ATM: variants seen among roughly 807,000 people sequenced by gnomAD.
ATM encodes ATM serine/threonine kinase.
A neutral mutation model predicts 387.0 loss-of-function variants in ATM; 308 were observed. The observed-to-expected ratio is 0.80, with a 90% CI of 0.73 to 0.87. The LOEUF (loss-of-function observed/expected upper bound fraction) is 0.87. ATM is among the 40% of genes least tolerant of loss of function. ATM has a pLI of 0.00. For missense variants in ATM, 3,312 were observed against 3,560.9 expected (o/e 0.93, Z 1.78); for synonymous variants, 1,156 against 1,187.3 (o/e 0.97, Z 0.54).
At chr11:108,243,363 A>G (rs1375378238) in intron 5 of ATM, among the ~76,000 whole-genome samples, 3 of 152,194 alleles carry the variant, frequency 2.0e-5, no homozygotes, top group Admixed American at 2.0e-4. Context: ...CCATAATCCC[A>G]GCACTTTGGG....
intron 29 of ATM, chr11:108,290,475 T>A (rs582157): frequency 0.54 from 80,709 of 150,666 alleles, 22,172 homozygotes; most frequent in Middle Eastern, 0.73. Context: ...AAAAATTTTT[T>A]AAAAAATAAG....
At chr11:108,343,420 T>C in intron 57 of ATM, 49 bp downstream of exon 57, 7 of 1,602,252 alleles carry the variant, frequency 4.4e-6, no homozygotes, top group Non-Finnish European at 6.0e-6. Flanking sequence ...TTTAATGGCT[T>C]ATTAAAGCTG....
rs369203092 is a variant in ATM at position 108,247,117 on chromosome 11, T to C, written c.1055T>C (p.Ile352Thr). The C allele has an allele frequency of 1.2e-6, 2 of 1,613,794 alleles. No homozygotes were observed. The highest frequency in any genetic ancestry group is 1.7e-6 in the Non-Finnish European group (2 of 1,179,846). Residue 352 changes from isoleucine (I) to threonine (T), a missense_variant, in exon 8 of 63, where the codon ATC (isoleucine) becomes ACC (threonine). Ile to Thr is a moderately conservative substitution (Grantham distance 89, BLOSUM62 -1). Coordinates refer to ENST00000675843, the MANE Select transcript of ATM (RefSeq NM_000051.4). The part of the protein sequence containing the change: ...KENLIELMAD[I>T]CHQVFNEDTR... ...AATTTGATTGAATTGATGGCAGATA[T>C]CTGTCACCAGGTACAGTAAGTAGGT...
At chr11:108,325,790 C>A (rs529597133) in intron 46 of ATM, among the ~76,000 whole-genome samples, 50 of 152,200 alleles carry the variant, frequency 3.3e-4, no homozygotes, top group Non-Finnish European at 7.4e-5. Context: ...ACGTAACTTA[C>A]TATATTGATA....
Position 108,326,235 on chromosome 11 carries a change from T to C in ATM, c.6975+10T>C. 6.2e-7 allele frequency: 1 copy of C among 1,614,138 alleles called. No homozygotes were observed. The highest frequency in any genetic ancestry group is 8.5e-7 in the Non-Finnish European group (1 of 1,180,000). On this transcript the variant is annotated intron_variant, in intron 47 of 62. Transcript: ENST00000675843. Reference sequence around the variant, plus strand: ...TGCCAGCTGTGCAGCGGTTTGTTTTTTTTATTGGCTGGATTAGTGTTTTAC... The same window carrying C: ...TGCCAGCTGTGCAGCGGTTTGTTTTCTTTATTGGCTGGATTAGTGTTTTAC...
intron 40 of ATM, among the ~76,000 whole-genome samples, chr11:108,315,158 A>G (rs1032663627): frequency 3.9e-5 from 6 of 152,236 alleles, no homozygotes; most frequent in Admixed American, 6.5e-5. Flanking sequence ...TGAACTGCTC[A>G]TGTGGAAATT....
intron 22 of ATM, among the ~76,000 whole-genome samples, chr11:108,273,530 T>C (rs1168870208): frequency 1.3e-5 from 2 of 151,868 alleles, no homozygotes; most frequent in Non-Finnish European, 1.5e-5. Flanking sequence ...TTCGTAGAGA[T>C]GGAGTTTCAC....
intron 16 of ATM, among the ~76,000 whole-genome samples, chr11:108,261,194 CA>C (rs2080859686): frequency 6.6e-6 from 1 of 152,206 alleles, no homozygotes; most frequent in African/African-American, 2.4e-5. Context: ...AGGGCACAAA[CA>C]AAAAGACAGC....
chr11:108,235,577 T>C, intron 4 of ATM, 93 bp from the exon 5 acceptor site: 1 of 1,210,622 alleles, frequency 8.3e-7, no homozygotes, highest in Non-Finnish European at 1.2e-6. Flanking sequence ...TTAATAGTAA[T>C]TTCCCAAATG....
rs1265476494 is a variant in ATM at position 108,368,056 on chromosome 11, T to TA, written c.*2550dup. 9.6e-6 allele frequency: 2 copies of TA among 207,864 alleles called. No homozygotes were observed. Among genetic ancestry groups the TA allele is most frequent in the African/African-American group, 4.6e-5 (2 of 43,936 alleles). 12.9% of individuals were successfully genotyped at this position (207,864 alleles called of 1,614,324 possible). ...TCCAGAGAGCTTTGAATAACATCAT[T>TA]AATCTACTCTTTAGCCTTGCATGGT... On this transcript the variant is annotated 3_prime_UTR_variant, in exon 63 of 63. Coordinates refer to ENST00000675843, the MANE Select transcript of ATM (RefSeq NM_000051.4).
intron 15 of ATM, 45 bp downstream of exon 15, chr11:108,257,651 T>A: frequency 6.3e-7 from 1 of 1,586,064 alleles, no homozygotes. Context: ...ATAGGATCTT[T>A]CTCTGTCACC....
At chr11:108,272,398 A>G (rs2081630348) in intron 20 of ATM, 134 bp from the exon 21 acceptor site, 1 of 761,558 alleles carries the variant, frequency 1.3e-6, no homozygotes, top group Non-Finnish European at 2.2e-6. Context: ...GTATGTTGGC[A>G]TATTCCACAT....
intron 9 of ATM, 124 bp from the exon 10 acceptor site, chr11:108,250,577 G>A (rs1591522040): frequency 9.2e-7 from 1 of 1,092,716 alleles, no homozygotes; most frequent in Non-Finnish European, 1.3e-6. Context: ...TATTTTTAGA[G>A]TACTATGGAA....
intron 26 of ATM, among the ~76,000 whole-genome samples, chr11:108,285,134 A>G (rs2082425676): frequency 6.6e-6 from 1 of 152,004 alleles, no homozygotes; most frequent in South Asian, 2.1e-4. Flanking sequence ...TAATTTTCAT[A>G]TTTTTAGTAG....
At chr11:108,331,714 C>G (rs1024215670) in intron 51 of ATM, 157 bp downstream of exon 51, 1 of 1,317,530 alleles carries the variant, frequency 7.6e-7, no homozygotes, top group South Asian at 1.5e-5. Context: ...TTTTCTCTCT[C>G]TAATTCCTCA....
chr11:108,293,888 A>T (rs370188089), intron 31 of ATM, among the ~76,000 whole-genome samples: 2,442 of 108,482 alleles, frequency 0.023, 19 homozygotes, highest in Non-Finnish European at 0.034. Flanking sequence ...AAAAAAAAAA[A>T]AAAAAAATAT....
chr11:108,299,945 T>C, intron 34 of ATM, 60 bp downstream of exon 34: 1 of 1,460,600 alleles, frequency 6.8e-7, no homozygotes, highest in Admixed American at 1.7e-5. Context: ...AGAATGATAC[T>C]TCACACAAAT....
intron 14 of ATM, among the ~76,000 whole-genome samples, chr11:108,256,961 A>G (rs907211134): frequency 3.9e-5 from 6 of 152,226 alleles, no homozygotes; most frequent in Admixed American, 3.9e-4. Context: ...TGTTGTGAAC[A>G]GTGCTGCAAT....
intron 55 of ATM, among the ~76,000 whole-genome samples, chr11:108,335,525 A>G (rs545264205): frequency 1.3e-4 from 20 of 152,140 alleles, no homozygotes; most frequent in Middle Eastern, 3.2e-3. Flanking sequence ...CCATTTGCTG[A>G]CGAGCTCTTT....
Sources: gnomAD v4.1 joint callset for allele counts (sites outside exome capture counted in the v4.1 genomes callset) on GRCh38, gnomAD v4.1.1 for gene constraint, MANE v1.5 for transcripts, NCBI Gene and HGNC (gene_info 2026-07-23, HGNC 2026-07-21) for gene names.